Variants in GAS2L3 observed in about 807,000 individuals in gnomAD.
The protein encoded by GAS2L3 is GAS2-like protein 3.
GAS2L3 carries 28 observed loss-of-function variants against 37.0 expected under a neutral mutation model. The ratio of observed to expected loss-of-function variants is 0.76; its 90% CI spans 0.56 to 1.04. The LOEUF (loss-of-function observed/expected upper bound fraction) is 1.04. GAS2L3 is among the 50% of genes least tolerant of loss of function. GAS2L3 has a pLI of 0.00. For missense variants in GAS2L3, 793 were observed against 817.6 expected (o/e 0.97, Z 0.37); for synonymous variants, 290 against 296.6 (o/e 0.98, Z 0.23).
At chr12:100,612,813 A>G (rs1956142175) in intron 6 of GAS2L3, among the ~76,000 whole-genome samples, 2 of 152,282 alleles carry the variant, frequency 1.3e-5, no homozygotes, top group South Asian at 4.1e-4. Flanking sequence ...TACCAAGGGC[A>G]GGGCTGTGGG....
At chr12:100,614,674 A>G (rs1446163288) in intron 6 of GAS2L3, among the ~76,000 whole-genome samples, 1 of 152,176 alleles carries the variant, frequency 6.6e-6, no homozygotes, top group Non-Finnish European at 1.5e-5. Flanking sequence ...CCTATTAGCA[A>G]TTAGTCCCAG....
At chr12:100,597,116 T>C (rs1955922136) in intron 3 of GAS2L3, among the ~76,000 whole-genome samples, 1 of 151,986 alleles carries the variant, frequency 6.6e-6, no homozygotes, top group Non-Finnish European at 1.5e-5. Context: ...TAAAAAATGT[T>C]AGCATCTCCA....
At chr12:100,580,776 CCTG>C (rs1180837764) in intron 1 of GAS2L3, among the ~76,000 whole-genome samples, 1 of 152,134 alleles carries the variant, frequency 6.6e-6, no homozygotes, top group African/African-American at 2.4e-5. Flanking sequence ...ATTTTGAGCA[CCTG>C]CTATATGTGG....
At chr12:100,576,235 A>G (rs377178069) in intron 1 of GAS2L3, among the ~76,000 whole-genome samples, 2 of 152,098 alleles carry the variant, frequency 1.3e-5, no homozygotes, top group Non-Finnish European at 2.9e-5. Context: ...TTTATTCACT[A>G]TGTTTTTACT....
At chr12:100,583,591 C>A (rs949111332) in intron 1 of GAS2L3, among the ~76,000 whole-genome samples, 1 of 152,184 alleles carries the variant, frequency 6.6e-6, no homozygotes, top group Admixed American at 6.5e-5. Context: ...CCTGTCTCAG[C>A]CTCCCTAGTA....
intron 1 of GAS2L3, chr12:100,579,417 G>A: frequency 1.0e-6 from 1 of 971,160 alleles, no homozygotes; most frequent in Non-Finnish European, 1.6e-6. Context: ...AGGCATGATA[G>A]TATAACTATT....
intron 3 of GAS2L3, among the ~76,000 whole-genome samples, chr12:100,598,697 C>T (rs187107638): frequency 6.6e-6 from 1 of 152,274 alleles, no homozygotes; most frequent in East Asian, 1.9e-4. Flanking sequence ...CCATTCCTAT[C>T]ATTTATCTCA....
chr12:100,621,133 G>T lies in GAS2L3; in HGVS notation c.649-1142G>T, dbSNP rs189445739. Among the ~76,000 whole-genome samples, 49 of 152,126 alleles carry T rather than the reference G, an allele frequency of 3.2e-4. 1 individual carries two copies. The highest frequency in any genetic ancestry group is 3.4e-3 in the Middle Eastern group (1 of 294). On this transcript the variant is annotated intron_variant, in intron 8 of 9. Coordinates refer to ENST00000547754, the MANE Select transcript of GAS2L3 (RefSeq NM_174942.3). ...GACAATCATATAAATTTCTATTGGT[G>T]CTCAGCTAAATTAGGCCTATCTAAA...
Position 100,624,348 on chromosome 12 carries a change from T to C in GAS2L3, c.1543T>C (p.Phe515Leu). ...ANIPVRPKPS[F>L]QSSAKMTKTS... Reference sequence around the variant, plus strand: ...TATACCTGTAAGACCTAAACCTTCTTTCCAGTCCTCTGCAAAAATGACAAA... The same window carrying C: ...TATACCTGTAAGACCTAAACCTTCTCTCCAGTCCTCTGCAAAAATGACAAA... The change falls in exon 10 of 10, where the codon TTC becomes CTC. Residue 515 changes from phenylalanine to leucine, a missense_variant. Phe to Leu is a conservative substitution (Grantham distance 22). Transcript: ENST00000547754. 10 of 1,614,028 alleles carry C rather than the reference T, an allele frequency of 6.2e-6. No individual in the cohort carries two copies. Among genetic ancestry groups the C allele is most frequent in the Non-Finnish European group, 8.5e-6 (10 of 1,180,018 alleles).
chr12:100,579,617 C>A (rs1955684065), intron 1 of GAS2L3: 3 of 775,820 alleles, frequency 3.9e-6, no homozygotes, highest in Admixed American at 3.4e-5. Flanking sequence ...CTTTAGAACA[C>A]AAGAATGTTA....
chr12:100,596,576 T>C (rs1424841742), intron 3 of GAS2L3, among the ~76,000 whole-genome samples: 1 of 152,104 alleles, frequency 6.6e-6, no homozygotes, highest in Non-Finnish European at 1.5e-5. Flanking sequence ...TCTCTGCCAA[T>C]TATATTAGAC....
chr12:100,622,915 A>G (rs1403147505), intron 9 of GAS2L3, among the ~76,000 whole-genome samples: 1 of 152,052 alleles, frequency 6.6e-6, no homozygotes, highest in African/African-American at 2.4e-5. Flanking sequence ...CCTCTGTCCC[A>G]TCTACAGTTG....
intron 1 of GAS2L3, among the ~76,000 whole-genome samples, chr12:100,575,466 T>G (rs1205281883): frequency 6.7e-6 from 1 of 149,178 alleles, no homozygotes; most frequent in African/African-American, 2.5e-5. Context: ...ATGTAGTTCA[T>G]GTTATCTCTA....
intron 4 of GAS2L3, 90 bp from the exon 5 acceptor site, chr12:100,601,548 G>GT (rs1955989297): frequency 2.8e-6 from 2 of 703,000 alleles, no homozygotes; most frequent in Admixed American, 4.3e-5. Flanking sequence ...TTTTTCTAGT[G>GT]TTTTGCTGTA....
At chr12:100,616,030 G>T (rs1317117802) in intron 6 of GAS2L3, among the ~76,000 whole-genome samples, 2 of 152,130 alleles carry the variant, frequency 1.3e-5, no homozygotes, top group African/African-American at 4.8e-5. Flanking sequence ...AAAAAGGGGT[G>T]TTGTAATTTT....
chr12:100,620,084 A>G (rs1446413653), intron 8 of GAS2L3, among the ~76,000 whole-genome samples: 1 of 152,054 alleles, frequency 6.6e-6, no homozygotes, highest in Admixed American at 6.6e-5. Flanking sequence ...TAAGAGCTAC[A>G]AAAATATTAC....
In GAS2L3 at chr12:100,623,859, G is replaced by A. The variant is rs570007535; in HGVS notation, c.1054G>A (p.Ala352Thr). 2 of 1,613,896 alleles carry A rather than the reference G, an allele frequency of 1.2e-6. No individual in the cohort carries two copies. The highest frequency in any genetic ancestry group is 2.2e-5 in the South Asian group (2 of 91,062). The change falls in exon 10 of 10, where the codon GCA becomes ACA. Residue 352 changes from alanine (A) to threonine (T), a missense_variant. Physicochemically the swap from Ala to Thr is moderately conservative, Grantham distance 58 (BLOSUM62 0). Coordinates refer to ENST00000547754, the MANE Select transcript of GAS2L3 (RefSeq NM_174942.3). The part of the protein sequence containing the change: ...SKEKQGRPPG[A>T]LVPASSLKGG... Reference sequence around the variant, plus strand: ...AGAAAAACAGGGACGTCCACCAGGTGCATTGGTGCCAGCATCTTCACTGAA... The same window carrying A: ...AGAAAAACAGGGACGTCCACCAGGTACATTGGTGCCAGCATCTTCACTGAA...
rs1956335432 is a variant in GAS2L3, at chr12:100,626,694, G to C, written c.*1804G>C. The C allele has an allele frequency of 6.6e-6, 1 of 152,140 alleles. No individual in the cohort carries two copies. Among genetic ancestry groups the C allele is most frequent in the African/African-American group, 2.4e-5 (1 of 41,416 alleles). The allele number at this position is 152,140 out of a possible 1,614,324, so 9.4% of individuals were successfully genotyped here. A position where few individuals can be genotyped will look rare whatever the true frequency, so the allele number is the denominator to read the frequency against. On this transcript the variant is annotated 3_prime_UTR_variant, in exon 10 of 10. Transcript: ENST00000547754. The stretch of plus-strand genomic sequence containing the variant: ...TGTAGGCAATTTATGAATCCTAGTA[G>C]ATTTTACAATATGTAATTTATGTTG...
intron 3 of GAS2L3, among the ~76,000 whole-genome samples, chr12:100,598,516 G>A (rs181627487): frequency 2.5e-4 from 38 of 152,152 alleles, no homozygotes; most frequent in African/African-American, 8.4e-4. Context: ...ATTTGGTTCC[G>A]ATGCTGTCTG....
Sources: allele counts gnomAD v4.1 joint callset (sites outside exome capture counted in the v4.1 genomes callset), GRCh38; gene constraint gnomAD v4.1.1; transcripts MANE v1.5; gene names NCBI Gene and HGNC (gene_info 2026-07-23, HGNC 2026-07-21).